The following FAT3 variants were observed in gnomAD, a reference collection of about 807,000 sequenced individuals.
FAT3 encodes FAT atypical cadherin 3.
In FAT3, 95 loss-of-function variants were observed where a neutral mutation model predicts 310.2. That is an observed-to-expected ratio of 0.31 (90% CI 0.26 to 0.36). FAT3 has a LOEUF of 0.36. FAT3 is among the 10% of genes least tolerant of loss of function. The pLI is 1.00. For synonymous variants in FAT3, 2,314 were observed against 2,192.9 expected, an observed-to-expected ratio of 1.06 and a Z score of -1.54; for missense variants, 5,408 against 5,715.6, an observed-to-expected ratio of 0.95 and a Z score of 1.74.
chr11:92,836,599 G>A lies in FAT3; in HGVS notation c.10120G>A (p.Gly3374Arg), dbSNP rs752917381. 29 of 1,613,680 alleles carry A rather than the reference G, an allele frequency of 1.8e-5. No homozygotes were observed. The highest frequency in any genetic ancestry group is 1.7e-4 in the Admixed American group (10 of 59,972). The change falls in exon 16 of 28, where the codon GGA becomes AGA. Residue 3374 changes from glycine (G) to arginine (R), a missense_variant. Gly to Arg is a moderately radical substitution (Grantham distance 125). Coordinates refer to ENST00000525166, the MANE Select transcript of FAT3 (RefSeq NM_001367949.2). The part of the protein sequence containing the change: ...IAEDVDSQPN[G>R]QIHFSIVNGD... ...AGAAGATGTAGACAGCCAGCCCAAC[G>A]GACAGATTCATTTTTCCATTGTGAA...
chr11:92,744,604 T>C (rs1441054743), intron 4 of FAT3, among the ~76,000 whole-genome samples: 1 of 152,238 alleles, frequency 6.6e-6, no homozygotes, highest in Non-Finnish European at 1.5e-5. Flanking sequence ...TAAGAAAATC[T>C]TCTGCACAAC....
intron 3 of FAT3, among the ~76,000 whole-genome samples, chr11:92,658,881 A>G (rs1942673094): frequency 6.6e-6 from 1 of 152,054 alleles, no homozygotes; most frequent in African/African-American, 2.4e-5. Flanking sequence ...GGTGTAAAAA[A>G]TGGTTGTCCT....
At chr11:92,565,759 G>C (rs1293163919) in intron 3 of FAT3, among the ~76,000 whole-genome samples, 1 of 151,908 alleles carries the variant, frequency 6.6e-6, no homozygotes, top group Non-Finnish European at 1.5e-5. Flanking sequence ...ATGTAATCCA[G>C]CATATAAACA....
At position 92,440,326 on chromosome 11, in the gene FAT3, C is replaced by T. The variant is rs190112824; in HGVS notation, c.3293-84308C>T. On this transcript the variant is annotated intron_variant, in intron 2 of 27. Transcript: ENST00000525166. ...TTATTAAGCCAATGACCACTGTGGG[C>T]AAGTGGAGCCAGTGCTGCTGGGAGC... is the stretch of plus-strand genomic sequence containing the variant. Among the ~76,000 whole-genome samples, 6 of 152,252 alleles carry T rather than the reference C, an allele frequency of 3.9e-5. No individual in the cohort carries two copies. The East Asian group carries it at 1.2e-3, about 29-fold the overall frequency.
intron 1 of FAT3, among the ~76,000 whole-genome samples, chr11:92,286,023 C>G (rs1234028354): frequency 6.6e-6 from 1 of 152,040 alleles, no homozygotes; most frequent in South Asian, 2.1e-4. Flanking sequence ...ATGAGAGTGT[C>G]GGTAAAAACT....
Position 92,821,392 on chromosome 11 carries a change from T to C in FAT3, c.9482-10230T>C, listed in dbSNP as rs147713243. On this transcript the variant is annotated intron_variant, in intron 13 of 27. Transcript: ENST00000525166. ...TTAAGTAGCATCTATTCTTTGTTTT[T>C]CCTACTGCCTTAGATATTGTTATTT... 9.2e-5 allele frequency among the ~76,000 whole-genome samples: 14 copies of C among 152,344 alleles called. No individual in the cohort carries two copies. The East Asian group carries it at 2.1e-3, about 23-fold the overall frequency.
chr11:92,287,972 G>GGT (rs1273574532), intron 1 of FAT3, among the ~76,000 whole-genome samples: 4 of 152,108 alleles, frequency 2.6e-5, no homozygotes, highest in Non-Finnish European at 2.9e-5. Flanking sequence ...CTATGATATA[G>GGT]GTGTGTGTAT....
At chr11:92,715,882 T>A (rs1396351572) in intron 4 of FAT3, among the ~76,000 whole-genome samples, 1 of 151,754 alleles carries the variant, frequency 6.6e-6, no homozygotes, top group African/African-American at 2.4e-5. Context: ...ATGGCACCCT[T>A]GGGAGACTAT....
intron 22 of FAT3, among the ~76,000 whole-genome samples, chr11:92,875,128 C>T (rs1949500321): frequency 6.6e-6 from 1 of 150,704 alleles, no homozygotes; most frequent in Non-Finnish European, 1.5e-5. Context: ...CAAGCCTTTT[C>T]ACAGAGGCTG....
chr11:92,642,838 T>C (rs936429046), intron 3 of FAT3, among the ~76,000 whole-genome samples: 9 of 152,204 alleles, frequency 5.9e-5, no homozygotes, highest in Non-Finnish European at 1.3e-4. Context: ...CTCTTAAGCA[T>C]ATCCTTCTCT....
chr11:92,543,343 C>G (rs527524224), intron 3 of FAT3, among the ~76,000 whole-genome samples: 2 of 152,154 alleles, frequency 1.3e-5, no homozygotes, highest in East Asian at 3.9e-4. Context: ...AGTGTTCTCA[C>G]CACACAAAAA....
At chr11:92,744,162 C>G (rs887290988) in intron 4 of FAT3, among the ~76,000 whole-genome samples, 2 of 152,188 alleles carry the variant, frequency 1.3e-5, no homozygotes, top group African/African-American at 4.8e-5. Flanking sequence ...ACTCATATTT[C>G]TGTTCTAAAC....
intron 1 of FAT3, among the ~76,000 whole-genome samples, chr11:92,247,409 T>G (rs1864960747): frequency 6.6e-6 from 1 of 151,748 alleles, no homozygotes; most frequent in Non-Finnish European, 1.5e-5. Flanking sequence ...GTGACATGCC[T>G]CTTCTGCAAC....
At chr11:92,629,348 G>A (rs1381613682) in intron 3 of FAT3, among the ~76,000 whole-genome samples, 1 of 151,422 alleles carries the variant, frequency 6.6e-6, no homozygotes, top group Non-Finnish European at 1.5e-5. Flanking sequence ...CTAAGCAGTG[G>A]ATATCTCTGC....
intron 2 of FAT3, among the ~76,000 whole-genome samples, chr11:92,503,388 A>T (rs1458719484): frequency 4.6e-5 from 7 of 152,148 alleles, no homozygotes; most frequent in Non-Finnish European, 1.5e-5. Flanking sequence ...AGCAGTTTAC[A>T]TAGTAAATAG....
Position 92,882,758 on chromosome 11 carries a change from A to C in FAT3, c.12302A>C (p.Glu4101Ala). The change falls in exon 24 of 28, where the codon GAG becomes GCG. Residue 4101 changes from glutamate (E) to alanine (A), a missense_variant. Physicochemically the swap from Glu to Ala is moderately radical, Grantham distance 107. Around this residue, in one of 5 missense-constraint regions of FAT3, gnomAD observed 649 missense variants for 666.2 expected, o/e 0.97. Coordinates refer to ENST00000525166, the MANE Select transcript of FAT3 (RefSeq NM_001367949.2). ...CGCAGGTGTGAGGAGGACATCAATG[A>C]GTGCGAACGAGAGGAGTGTGAGAAC... is the stretch of plus-strand genomic sequence containing the variant. ...TGVTCEEDIN[E>A]CEREECENGG... 1 of 1,605,874 alleles carries C rather than the reference A, an allele frequency of 6.2e-7. No individual in the cohort carries two copies. The highest frequency in any genetic ancestry group is 8.5e-7 in the Non-Finnish European group (1 of 1,175,192).
At chr11:92,450,541 A>G (rs964324285) in intron 2 of FAT3, among the ~76,000 whole-genome samples, 4 of 152,154 alleles carry the variant, frequency 2.6e-5, no homozygotes, top group Non-Finnish European at 5.9e-5. Flanking sequence ...CCAACACAAG[A>G]CTGGAAACAA....
At chr11:92,834,749 C>T (rs1223113469) in intron 14 of FAT3, 121 bp from the exon 15 acceptor site, 1 of 910,378 alleles carries the variant, frequency 1.1e-6, no homozygotes, top group African/African-American at 1.7e-5. Context: ...ATTAAATAAA[C>T]AAATTCCTGA....
intron 2 of FAT3, among the ~76,000 whole-genome samples, chr11:92,519,365 C>A (rs1465608551): frequency 2.0e-5 from 3 of 152,050 alleles, no homozygotes; most frequent in Non-Finnish European, 2.9e-5. Context: ...AGATCTATAT[C>A]TTTCACCATA....
Sources: allele counts gnomAD v4.1 joint callset (sites outside exome capture counted in the v4.1 genomes callset), GRCh38; gene constraint gnomAD v4.1.1; regional missense constraint gnomAD v4.1.1; transcripts MANE v1.5; gene names NCBI Gene and HGNC (gene_info 2026-07-23, HGNC 2026-07-21).